The following GMDS variants were observed in gnomAD, a reference collection of about 807,000 sequenced individuals.
GMDS encodes GDP-mannose 4,6 dehydratase.
GMDS carries 20 observed loss-of-function variants against 49.9 expected under a neutral mutation model. That is an observed-to-expected ratio of 0.40 (90% CI 0.28 to 0.58). The LOEUF is 0.58. Ranked by LOEUF, GMDS falls within the 20% of genes least tolerant of loss-of-function variation. The probability of loss-of-function intolerance (pLI) is 0.42; values close to 1 mark genes in which losing one functional copy is unlikely to be tolerated. For synonymous variants in GMDS, 177 were observed against 178.6 expected (o/e 0.99, Z 0.07); for missense variants, 362 against 481.4 (o/e 0.75, Z 2.32).
chr6:1,707,881 AG>A (rs1186420977), intron 9 of GMDS, among the ~76,000 whole-genome samples: 1 of 152,216 alleles, frequency 6.6e-6, no homozygotes, highest in Non-Finnish European at 1.5e-5. Flanking sequence ...TTGTGTTGGC[AG>A]GGCTGGGGCC....
intron 7 of GMDS, among the ~76,000 whole-genome samples, chr6:1,856,687 G>T (rs947893705): frequency 3.3e-5 from 5 of 152,226 alleles, no homozygotes; most frequent in Non-Finnish European, 7.3e-5. Flanking sequence ...TCAACAGGTA[G>T]GGGGCTCCAC....
At chr6:1,756,336 T>C in intron 7 of GMDS, among the ~76,000 whole-genome samples, 1 of 151,184 alleles carries the variant, frequency 6.6e-6, no homozygotes, top group East Asian at 1.9e-4. Flanking sequence ...CAATCTCAGC[T>C]CACTGCAACC....
chr6:2,227,691 C>T (rs934853640), intron 1 of GMDS, among the ~76,000 whole-genome samples: 1 of 152,180 alleles, frequency 6.6e-6, no homozygotes, highest in Non-Finnish European at 1.5e-5. Context: ...CAGGCCAGAG[C>T]TGTTTCCCTG....
chr6:1,835,648 G>C (rs1332168474), intron 7 of GMDS, among the ~76,000 whole-genome samples: 1 of 152,050 alleles, frequency 6.6e-6, no homozygotes, highest in Non-Finnish European at 1.5e-5. Flanking sequence ...CAAAAAACAA[G>C]TGCAGGCAGA....
At chr6:1,825,987 G>A (rs372845285) in intron 7 of GMDS, among the ~76,000 whole-genome samples, 1 of 152,170 alleles carries the variant, frequency 6.6e-6, no homozygotes, top group East Asian at 1.9e-4. Flanking sequence ...CTGTACTCCA[G>A]CCTGGGCGAC....
chr6:1,772,630 C>T (rs1027087377), intron 7 of GMDS, among the ~76,000 whole-genome samples: 1 of 152,182 alleles, frequency 6.6e-6, no homozygotes, highest in Non-Finnish European at 1.5e-5. Flanking sequence ...ACTAGCAAAG[C>T]ACGGGGGAGT....
At chr6:1,818,791 T>C (rs1323027279) in intron 7 of GMDS, among the ~76,000 whole-genome samples, 1 of 151,956 alleles carries the variant, frequency 6.6e-6, no homozygotes, top group Non-Finnish European at 1.5e-5. Flanking sequence ...AGTGGTTGAT[T>C]TTGTATTTCT....
At chr6:1,706,503 A>G (rs1359554400) in intron 9 of GMDS, among the ~76,000 whole-genome samples, 1 of 152,246 alleles carries the variant, frequency 6.6e-6, no homozygotes, top group Non-Finnish European at 1.5e-5. Context: ...AAGTCTGACT[A>G]ACATACTTCA....
chr6:2,071,669 G>A (rs1433926368), intron 4 of GMDS, among the ~76,000 whole-genome samples: 5 of 149,958 alleles, frequency 3.3e-5, no homozygotes, highest in Middle Eastern at 3.2e-3. Context: ...AATGACATAC[G>A]GGATACTTCA....
chr6:1,997,247 T>C (rs139233636), intron 4 of GMDS, among the ~76,000 whole-genome samples: 308 of 152,146 alleles, frequency 2.0e-3, no homozygotes, highest in East Asian at 0.01. Context: ...CGGTGGCTCA[T>C]GCCTGTAATC....
intron 7 of GMDS, among the ~76,000 whole-genome samples, chr6:1,847,754 C>T (rs1216874351): frequency 6.6e-6 from 1 of 152,054 alleles, no homozygotes; most frequent in African/African-American, 2.4e-5. Flanking sequence ...TTCACTTTGC[C>T]CCAATACTAA....
At chr6:2,046,368 G>T (rs1442260097) in intron 4 of GMDS, among the ~76,000 whole-genome samples, 2 of 152,096 alleles carry the variant, frequency 1.3e-5, no homozygotes, top group African/African-American at 4.8e-5. Context: ...GATTATCATA[G>T]GAAATACCCA....
rs535299788 is a variant in GMDS, at chr6:1,777,093, A to G, written c.772-34507T>C. 8.5e-5 allele frequency among the ~76,000 whole-genome samples: 13 copies of G among 152,376 alleles called. No individual in the cohort carries two copies. In the South Asian group the frequency reaches 2.3e-3, roughly 27 times the overall value. On this transcript the variant is annotated intron_variant, in intron 7 of 10. Transcript: ENST00000380815. Reference sequence around the variant, plus strand: ...CCCTGTAAAATTTGGCATAATGATAATAAAGCCCCTCACTGATGAATGCCT... The same window carrying G: ...CCCTGTAAAATTTGGCATAATGATAGTAAAGCCCCTCACTGATGAATGCCT...
chr6:1,655,131 A>G (rs1042059575), intron 9 of GMDS, among the ~76,000 whole-genome samples: 7 of 152,054 alleles, frequency 4.6e-5, no homozygotes, highest in African/African-American at 1.7e-4. Flanking sequence ...CTGAATCACT[A>G]ACTCTCATTT....
intron 1 of GMDS, among the ~76,000 whole-genome samples, chr6:2,187,522 T>C (rs920549886): frequency 5.9e-5 from 9 of 152,146 alleles, no homozygotes; most frequent in African/African-American, 2.2e-4. Flanking sequence ...AAAATTTACA[T>C]TGAGAGATAC....
chr6:1,893,516 C>T (rs886559508), intron 7 of GMDS, among the ~76,000 whole-genome samples: 2 of 152,186 alleles, frequency 1.3e-5, no homozygotes, highest in Admixed American at 6.5e-5. Flanking sequence ...TTTGCTGCCG[C>T]AACCTTCTCC....
At chr6:2,090,743 G>A (rs913593912) in intron 4 of GMDS, among the ~76,000 whole-genome samples, 4 of 152,142 alleles carry the variant, frequency 2.6e-5, no homozygotes. Flanking sequence ...TAATTTGAAC[G>A]ACTCTTCTGC....
intron 4 of GMDS, among the ~76,000 whole-genome samples, chr6:2,089,187 T>A (rs1268577398): frequency 6.6e-6 from 1 of 152,228 alleles, no homozygotes; most frequent in Non-Finnish European, 1.5e-5. Flanking sequence ...TTAGTTCTTT[T>A]ATCTGGGGCC....
At chr6:2,052,748 G>C (rs1293086199) in intron 4 of GMDS, among the ~76,000 whole-genome samples, 2 of 152,146 alleles carry the variant, frequency 1.3e-5, no homozygotes, top group African/African-American at 4.8e-5. Context: ...TTTTAAAAGA[G>C]GTTTTCTCCT....
Sources: gnomAD v4.1 joint callset for allele counts (sites outside exome capture counted in the v4.1 genomes callset) on GRCh38, gnomAD v4.1.1 for gene constraint, MANE v1.5 for transcripts, NCBI Gene and HGNC (gene_info 2026-07-23, HGNC 2026-07-21) for gene names.